The following LGSN variants were observed in gnomAD, a reference collection of about 807,000 sequenced individuals.
LGSN encodes lengsin, lens protein with glutamine synthetase domain, also known as lengsin.
In LGSN, 21 loss-of-function variants were observed where a neutral mutation model predicts 19.5. The ratio of observed to expected loss-of-function variants is 1.07; its 90% CI spans 0.76 to 1.55. The LOEUF is 1.55. Ranked by LOEUF, LGSN falls within the 40% of genes most tolerant of loss-of-function variation. The pLI is 0.00. For missense variants in LGSN, 673 were observed against 608.5 expected (o/e 1.11, Z -1.12); for synonymous variants, 257 against 215.6 (o/e 1.19, Z -1.68).
chr6:63,278,020 G>C lies in LGSN; in HGVS notation c.*2001C>G, dbSNP rs1016707770. 6.6e-6 allele frequency: 1 copy of C among 150,952 alleles called. No individual in the cohort carries two copies. The highest frequency in any genetic ancestry group is 2.4e-5 in the African/African-American group (1 of 40,988). The allele number at this position is 150,952 out of a possible 1,614,324, so 9.4% of individuals were successfully genotyped here. A position where few individuals can be genotyped will look rare whatever the true frequency, so the allele number is the denominator to read the frequency against. ...ACCCAGGGGGCAGAGGTTGCAGTGA[G>C]CCAAGACCCCCCCACATTGCACTTC... On this transcript the variant is annotated 3_prime_UTR_variant, in exon 4 of 4. Coordinates refer to ENST00000370657, the MANE Select transcript of LGSN (RefSeq NM_016571.3).
chr6:63,286,938 G>A (rs999479908), intron 2 of LGSN, among the ~76,000 whole-genome samples: 1 of 152,176 alleles, frequency 6.6e-6, no homozygotes, highest in Non-Finnish European at 1.5e-5. Context: ...TGCATAAAGT[G>A]AGTACAATTA....
chr6:63,507,623 C>T, the LGSN span, among the ~76,000 whole-genome samples: 4 of 152,126 alleles, frequency 2.6e-5, no homozygotes, highest in South Asian at 8.3e-4. Flanking sequence ...TTGTTATCAG[C>T]AGTTCCTGGA....
At chr6:63,285,082 A>G (rs1767473073) in intron 3 of LGSN, among the ~76,000 whole-genome samples, 1 of 152,236 alleles carries the variant, frequency 6.6e-6, no homozygotes, top group Non-Finnish European at 1.5e-5. Context: ...TCTTGATATC[A>G]TCATTTTTGG....
At chr6:63,556,693 T>G in the LGSN span, among the ~76,000 whole-genome samples, 1 of 152,256 alleles carries the variant, frequency 6.6e-6, no homozygotes, top group East Asian at 1.9e-4. Context: ...ACATCAATAA[T>G]TTATTCCTGA....
chr6:63,449,539 G>A, the LGSN span, among the ~76,000 whole-genome samples: 3 of 146,322 alleles, frequency 2.1e-5, no homozygotes, highest in East Asian at 2.0e-4. Context: ...GCGAGACTCC[G>A]TCAAAAAAAA....
At chr6:63,433,011 G>C in the LGSN span, among the ~76,000 whole-genome samples, 1 of 152,090 alleles carries the variant, frequency 6.6e-6, no homozygotes, top group South Asian at 2.1e-4. Flanking sequence ...AGGAGCAAAA[G>C]TATCTCTCCC....
At chr6:63,357,667 G>T in the LGSN span, among the ~76,000 whole-genome samples, 2 of 151,918 alleles carry the variant, frequency 1.3e-5, no homozygotes, top group South Asian at 2.1e-4. Flanking sequence ...TTGCCCACTT[G>T]TTGATGGGGT....
the LGSN span, among the ~76,000 whole-genome samples, chr6:63,547,497 A>AG: frequency 1.2e-5 from 1 of 82,396 alleles, no homozygotes; most frequent in African/African-American, 4.8e-5. Flanking sequence ...GCCAGGGGGG[A>AG]ATTTTTTTTT....
chr6:63,516,139 A>C, the LGSN span, among the ~76,000 whole-genome samples: 1 of 152,226 alleles, frequency 6.6e-6, no homozygotes, highest in Admixed American at 6.5e-5. Context: ...TATTTTAATG[A>C]AGTTAAAACC....
chr6:63,367,090 A>G, the LGSN span, among the ~76,000 whole-genome samples: 123 of 151,892 alleles, frequency 8.1e-4, no homozygotes, highest in African/African-American at 2.5e-3. Flanking sequence ...ATTGACAAAT[A>G]GGATCTAATT....
the LGSN span, among the ~76,000 whole-genome samples, chr6:63,333,527 G>A: frequency 7.6e-6 from 1 of 131,912 alleles, no homozygotes; most frequent in African/African-American, 2.8e-5. Flanking sequence ...AAGAACAAAA[G>A]AATGAAAGAA....
the LGSN span, among the ~76,000 whole-genome samples, chr6:63,438,171 G>C: frequency 1.3e-5 from 2 of 152,106 alleles, no homozygotes; most frequent in African/African-American, 4.8e-5. Flanking sequence ...CCCACACTTT[G>C]GGAGGCCAAG....
intron 1 of LGSN, among the ~76,000 whole-genome samples, chr6:63,295,645 G>A (rs560799133): frequency 6.6e-6 from 1 of 152,222 alleles, no homozygotes; most frequent in East Asian, 1.9e-4. Flanking sequence ...TATAGCTTAA[G>A]AAAATCTAAG....
the LGSN span, among the ~76,000 whole-genome samples, chr6:63,534,624 G>A: frequency 5.3e-5 from 8 of 152,156 alleles, no homozygotes; most frequent in African/African-American, 1.2e-4. Context: ...CCCAGGCAAC[G>A]TAGCAAGACA....
chr6:63,421,706 G>A, the LGSN span, among the ~76,000 whole-genome samples: 1 of 151,942 alleles, frequency 6.6e-6, no homozygotes, highest in Non-Finnish European at 1.5e-5. Context: ...CCAGCCTGGC[G>A]ACAGAGTGAG....
chr6:63,283,915 G>T (rs182918572), intron 3 of LGSN, among the ~76,000 whole-genome samples: 86 of 152,174 alleles, frequency 5.7e-4, no homozygotes, highest in African/African-American at 2.0e-3. Context: ...GGCCAGGCTG[G>T]TCTCAAATTC....
the LGSN span, among the ~76,000 whole-genome samples, chr6:63,374,757 C>T: frequency 1.3e-5 from 2 of 152,200 alleles, no homozygotes; most frequent in African/African-American, 4.8e-5. Context: ...CTTCTAGAGG[C>T]TGCTTGCATC....
At chr6:63,320,057 G>C (rs957123786), upstream of LGSN, 2 of 821,504 alleles carry the variant, frequency 2.4e-6, no homozygotes, top group African/African-American at 1.7e-5. Flanking sequence ...TTCCATAGAG[G>C]CTTTTCCAGA....
At chr6:63,337,469 C>T in the LGSN span, among the ~76,000 whole-genome samples, 3 of 148,130 alleles carry the variant, frequency 2.0e-5, no homozygotes, top group South Asian at 6.5e-4. Flanking sequence ...AAAAGCAAGA[C>T]TCTGTCTCAA....
Sources: allele counts gnomAD v4.1 joint callset (sites outside exome capture counted in the v4.1 genomes callset), GRCh38; gene constraint gnomAD v4.1.1; transcripts MANE v1.5; gene names NCBI Gene and HGNC (gene_info 2026-07-23, HGNC 2026-07-21).